CASZ1: variants seen among roughly 807,000 people sequenced by gnomAD.
The protein encoded by CASZ1 is zinc finger protein castor homolog 1.
CASZ1 carries 28 observed loss-of-function variants against 135.2 expected under a neutral mutation model. The ratio of observed to expected loss-of-function variants is 0.21; its 90% CI spans 0.15 to 0.28. The LOEUF is 0.28. CASZ1 is among the 10% of genes least tolerant of loss of function. The probability of loss-of-function intolerance (pLI) is 1.00; values close to 1 mark genes in which losing one functional copy is unlikely to be tolerated. For synonymous variants in CASZ1, 1,068 were observed against 1,073.4 expected (o/e 0.99, Z 0.10); for missense variants, 2,161 against 2,453.3 (o/e 0.88, Z 2.52).
chr1:10,680,340 C>A (rs1362718687), intron 4 of CASZ1, among the ~76,000 whole-genome samples: 2 of 151,964 alleles, frequency 1.3e-5, no homozygotes, highest in African/African-American at 4.8e-5. Context: ...AGGAGCTGAA[C>A]TTGGACCCCC....
At chr1:10,765,917 G>A (rs1406377662) in intron 1 of CASZ1, among the ~76,000 whole-genome samples, 1 of 152,132 alleles carries the variant, frequency 6.6e-6, no homozygotes, top group Non-Finnish European at 1.5e-5. Flanking sequence ...TTAATTGTTG[G>A]ATGAGTTTAC....
intron 4 of CASZ1, among the ~76,000 whole-genome samples, chr1:10,682,280 G>C (rs775486699): frequency 1.3e-5 from 2 of 152,140 alleles, no homozygotes; most frequent in African/African-American, 2.4e-5. Context: ...GGAGGGAAGT[G>C]GGGGGTGCCG....
At position 10,639,602 on chromosome 1, in the gene CASZ1, C is replaced by T. The variant is rs1478396772; in HGVS notation, c.4620G>A (p.Gln1540=). 6.2e-7 allele frequency: 1 copy of T among 1,611,678 alleles called. No homozygotes were observed. The highest frequency in any genetic ancestry group is 1.3e-5 in the African/African-American group (1 of 75,054). Reference sequence around the variant, plus strand: ...AGAAGCCCGCGGCGCTGATCACGTCCTGTTTGCCGTGGTGCTTGCGATGCG... The same window carrying T: ...AGAAGCCCGCGGCGCTGATCACGTCTTGTTTGCCGTGGTGCTTGCGATGCG... The part of the protein sequence containing the change: ...VTAHRKHHGK[Q]DVISAAGFCQ... The change falls in exon 21 of 21, where the codon CAG becomes CAA. Residue 1540 remains glutamine, a synonymous_variant. Coordinates refer to ENST00000377022, the MANE Select transcript of CASZ1 (RefSeq NM_001079843.3). The surrounding 1 kb of genome is among the most constrained non-coding windows in gnomAD (Gnocchi z 4.0).
At chr1:10,771,809 G>A (rs1417263236) in intron 1 of CASZ1, among the ~76,000 whole-genome samples, 1 of 152,136 alleles carries the variant, frequency 6.6e-6, no homozygotes, top group Non-Finnish European at 1.5e-5. Context: ...AATAAAATTG[G>A]GGATGCTGGC....
rs1301223184 is a variant in CASZ1, at chr1:10,721,689, C to T, written c.-76-16145G>A. ...TCCCCTCCTAAGCTGCACCTCACCACTGACCTGCAAGTGCCGACCTGCAAA... is the reference window on the plus strand; with the variant it reads ...TCCCCTCCTAAGCTGCACCTCACCATTGACCTGCAAGTGCCGACCTGCAAA... On this transcript the variant is annotated intron_variant, in intron 2 of 20. Transcript: ENST00000377022. This position sits in a 1 kb window ranked among gnomAD's most constrained non-coding sequence, Gnocchi z 5.4. Among the ~76,000 whole-genome samples the T allele has an allele frequency of 6.6e-6, 1 of 152,246 alleles. No homozygotes were observed. Among genetic ancestry groups the T allele is most frequent in the African/African-American group, 2.4e-5 (1 of 41,468 alleles).
intron 2 of CASZ1, 102 bp from the exon 3 acceptor site, chr1:10,705,646 C>T (rs997774295): frequency 2.0e-5 from 3 of 152,334 alleles, no homozygotes; most frequent in Non-Finnish European, 4.4e-5. Context: ...CCCTGCCCCA[C>T]ATGGGCTGAG....
Position 10,717,668 on chromosome 1 carries a change from CA to C in CASZ1, c.-76-12125del, listed in dbSNP as rs1327239547. 2.6e-5 allele frequency among the ~76,000 whole-genome samples: 4 copies of C among 151,994 alleles called. No individual in the cohort carries two copies. Among genetic ancestry groups the C allele is most frequent in the African/African-American group, 4.8e-5 (2 of 41,342 alleles). On this transcript the variant is annotated intron_variant, in intron 2 of 20. Transcript: ENST00000377022. This position sits in a 1 kb window ranked among gnomAD's most constrained non-coding sequence, Gnocchi z 4.6. ...TGGATGGGGGGCAGGGGGCAGGGGA[CA>C]GGGGCGGAGGTAGAAAACCCTTGCC... is the stretch of plus-strand genomic sequence containing the variant.
intron 4 of CASZ1, among the ~76,000 whole-genome samples, chr1:10,692,991 T>C (rs1638816265): frequency 6.6e-6 from 1 of 152,144 alleles, no homozygotes; most frequent in African/African-American, 2.4e-5. Context: ...TTGGTTTCAA[T>C]AGCCAGGGCC....
At chr1:10,722,448 C>T (rs550185942) in intron 2 of CASZ1, among the ~76,000 whole-genome samples, 15 of 152,358 alleles carry the variant, frequency 9.8e-5, no homozygotes, top group East Asian at 1.9e-4. Flanking sequence ...CTACAGGGCA[C>T]GGACTTAGGG....
At position 10,725,069 on chromosome 1, in the gene CASZ1, C is replaced by T. The variant is rs892182573; in HGVS notation, c.-76-19525G>A. ...GACGGAGGGAAGCAGCCCTCGCAGA[C>T]GTGCAGGTGGCTGTTCTTCCCTGGA... On this transcript the variant is annotated intron_variant, in intron 2 of 20. Transcript: ENST00000377022. This position sits in a 1 kb window ranked among gnomAD's most constrained non-coding sequence, Gnocchi z 4.4. Among the ~76,000 whole-genome samples the T allele has an allele frequency of 1.3e-5, 2 of 152,240 alleles. No homozygotes were observed. Among genetic ancestry groups the T allele is most frequent in the South Asian group, 2.1e-4 (1 of 4,836 alleles).
rs1043275368 is a variant in CASZ1, at chr1:10,725,238, G to A, written c.-76-19694C>T. Reference sequence around the variant, plus strand: ...AGCCCGGTGACCGTGGACACAGGGCGGCCAAGTAGGCTGGGTGCCAGGCGT... The same window carrying A: ...AGCCCGGTGACCGTGGACACAGGGCAGCCAAGTAGGCTGGGTGCCAGGCGT... On this transcript the variant is annotated intron_variant, in intron 2 of 20. Coordinates refer to ENST00000377022, the MANE Select transcript of CASZ1 (RefSeq NM_001079843.3). This position sits in a 1 kb window ranked among gnomAD's most constrained non-coding sequence, Gnocchi z 4.4. 2.6e-5 allele frequency among the ~76,000 whole-genome samples: 4 copies of A among 152,224 alleles called. No individual in the cohort carries two copies. The highest frequency in any genetic ancestry group is 2.9e-5 in the Non-Finnish European group (2 of 68,032).
At chr1:10,763,414 C>T (rs1040534992) in intron 1 of CASZ1, among the ~76,000 whole-genome samples, 8 of 152,174 alleles carry the variant, frequency 5.3e-5, no homozygotes, top group Non-Finnish European at 7.4e-5. Flanking sequence ...CAGACGGAGA[C>T]GATGCCTAAG....
At chr1:10,668,969 G>T (rs371556486) in intron 4 of CASZ1, among the ~76,000 whole-genome samples, 1 of 152,330 alleles carries the variant, frequency 6.6e-6, no homozygotes, top group African/African-American at 2.4e-5. Flanking sequence ...GGGCAGGGGC[G>T]GGCTGGCCTC....
At chr1:10,715,067 C>T (rs1440489102) in intron 2 of CASZ1, among the ~76,000 whole-genome samples, 3 of 152,234 alleles carry the variant, frequency 2.0e-5, no homozygotes, top group African/African-American at 2.4e-5. Context: ...CACCTTTCCT[C>T]GGCTCCAGGG....
intron 2 of CASZ1, among the ~76,000 whole-genome samples, chr1:10,736,093 C>G (rs1363765924): frequency 1.3e-5 from 2 of 152,208 alleles, no homozygotes; most frequent in Non-Finnish European, 2.9e-5. Context: ...CCCAACCCCA[C>G]CCACCTGTTG....
intron 7 of CASZ1, 46 bp from the exon 8 acceptor site, chr1:10,656,782 T>TCCCAGCCCCAGC (rs561972142): frequency 1.3e-5 from 17 of 1,316,498 alleles, no homozygotes; most frequent in Admixed American, 9.8e-5. Flanking sequence ...TGGGTGACAG[T>TCCCAGCCCCAGC]CCCAGCCCCA....
chr1:10,740,987 GTCT>G (rs1394864736), intron 2 of CASZ1, among the ~76,000 whole-genome samples: 1 of 94,602 alleles, frequency 1.1e-5, no homozygotes, highest in Non-Finnish European at 2.0e-5. Flanking sequence ...AGAAAAAAAA[GTCT>G]AAAAAACACT....
Position 10,774,005 on chromosome 1 carries a change from G to A in CASZ1, c.-233-13148C>T, listed in dbSNP as rs985026647. 3.9e-5 allele frequency among the ~76,000 whole-genome samples: 6 copies of A among 152,166 alleles called. No individual in the cohort carries two copies. Among genetic ancestry groups the A allele is most frequent in the Admixed American group, 1.3e-4 (2 of 15,278 alleles). On this transcript the variant is annotated intron_variant, in intron 1 of 20. Coordinates refer to ENST00000377022, the MANE Select transcript of CASZ1 (RefSeq NM_001079843.3). The surrounding 1 kb of genome is among the most constrained non-coding windows in gnomAD (Gnocchi z 4.4). ...TCCTGGCAGCTCCCTGTGGTGGTCC[G>A]GAGCAAACCTCCTTAACTCTGATCC...
At chr1:10,736,772 C>T (rs1352693604) in intron 2 of CASZ1, among the ~76,000 whole-genome samples, 4 of 152,232 alleles carry the variant, frequency 2.6e-5, no homozygotes, top group African/African-American at 9.6e-5. Flanking sequence ...GTAGCGGACA[C>T]AGGGCCAGTT....
Sources: allele counts gnomAD v4.1 joint callset (sites outside exome capture counted in the v4.1 genomes callset), GRCh38; gene constraint gnomAD v4.1.1; non-coding constraint Gnocchi (gnomAD v3.1); transcripts MANE v1.5; gene names NCBI Gene and HGNC (gene_info 2026-07-23, HGNC 2026-07-21).